TRIM27: variants seen among roughly 807,000 people sequenced by gnomAD.
TRIM27 encodes the protein zinc finger protein RFP.
TRIM27 carries 12 observed loss-of-function variants against 57.6 expected under a neutral mutation model. That is an observed-to-expected ratio of 0.21 (90% confidence interval 0.13 to 0.34). The LOEUF (loss-of-function observed/expected upper bound fraction) is 0.34, where lower values mean the gene tolerates loss of function less well. TRIM27 is among the 10% of genes least tolerant of loss of function. The probability of loss-of-function intolerance (pLI) is 1.00; values close to 1 mark genes in which losing one functional copy is unlikely to be tolerated. For synonymous variants in TRIM27, 266 were observed against 259.0 expected, an observed-to-expected ratio of 1.03 and a Z score of -0.26; for missense variants, 403 against 656.8, an observed-to-expected ratio of 0.61 and a Z score of 4.22.
chr6:28,916,984 T>C (rs567419542), intron 3 of TRIM27, among the ~76,000 whole-genome samples: 1 of 150,864 alleles, frequency 6.6e-6, no homozygotes, highest in African/African-American at 2.4e-5. Context: ...TCTACAAAAA[T>C]TACACAAATT....
At chr6:28,911,604 C>T (rs777795684) in intron 4 of TRIM27, 92 bp downstream of exon 4, 36 of 1,318,790 alleles carry the variant, frequency 2.7e-5, no homozygotes, top group Non-Finnish European at 3.6e-5. Context: ...AGATGTCCAT[C>T]CTCAGGCTCA....
chr6:28,918,601 G>A (rs1344591061), intron 3 of TRIM27, among the ~76,000 whole-genome samples: 1 of 151,902 alleles, frequency 6.6e-6, no homozygotes, highest in Non-Finnish European at 1.5e-5. Context: ...AAACTGGCCT[G>A]ACGCTGTGGC....
At position 28,914,497 on chromosome 6, in the gene TRIM27, CTTAT is replaced by C. The variant is rs1205735300; in HGVS notation, c.748-2783_748-2780del. Among the ~76,000 whole-genome samples, 6 of 142,292 alleles carry C rather than the reference CTTAT, an allele frequency of 4.2e-5. No homozygotes were observed. The East Asian group carries it at 1.3e-3, about 30-fold the overall frequency. 93.3% of individuals were successfully genotyped at this position (142,292 alleles called of 152,430 possible). A position where few individuals can be genotyped will look rare whatever the true frequency, so the allele number is the denominator to read the frequency against. On this transcript the variant is annotated intron_variant, in intron 3 of 7. Coordinates refer to ENST00000377199, the MANE Select transcript of TRIM27 (RefSeq NM_006510.5). ...TTTTATATGTGCATATTATTATGTG[CTTAT>C]TTTTCTATCTGAAGTTGACTGTCAA... is the stretch of plus-strand genomic sequence containing the variant.
At position 28,923,264 on chromosome 6, in the gene TRIM27, C is replaced by T. The variant is rs148726473; in HGVS notation, c.369G>A (p.Glu123=). 39 of 1,608,180 alleles carry T rather than the reference C, an allele frequency of 2.4e-5. No homozygotes were observed. Among genetic ancestry groups the T allele is most frequent in the Non-Finnish European group, 3.2e-5 (38 of 1,177,682 alleles). ...GCGGCAGCACGCTGTGGCCGCGGTG[C>T]TCGCGGGAGCGGTCGCACACCACGC... ...PICVVCDRSR[E]HRGHSVLPLE... Residue 123 remains glutamate, a synonymous_variant, in exon 1 of 8, where the codon GAG becomes GAA. Transcript: ENST00000377199.
In TRIM27 at chr6:28,923,727, G is replaced by A. The variant is rs1774255592; in HGVS notation, c.-95C>T. On this transcript the variant is annotated 5_prime_UTR_variant, in exon 1 of 8. Transcript: ENST00000377199. ...GCGCTCTCTCCGGTTCGCTGTTCCTGAGAGGCACCGGGCGGACGGAGGGCG... is the reference window on the plus strand; with the variant it reads ...GCGCTCTCTCCGGTTCGCTGTTCCTAAGAGGCACCGGGCGGACGGAGGGCG... 1 of 1,341,622 alleles carries A rather than the reference G, an allele frequency of 7.5e-7. No individual in the cohort carries two copies. Among genetic ancestry groups the A allele is most frequent in the Non-Finnish European group, 9.9e-7 (1 of 1,011,628 alleles). 83.1% of individuals were successfully genotyped at this position (1,341,622 alleles called of 1,614,324 possible).
intron 3 of TRIM27, 136 bp from the exon 4 acceptor site, chr6:28,911,854 T>C (rs1256426281): frequency 1.2e-6 from 1 of 811,152 alleles, no homozygotes; most frequent in Non-Finnish European, 2.0e-6. Flanking sequence ...CACTGGAACA[T>C]AACTCAGTGT....
chr6:28,922,982 G>T (rs1208079968), intron 1 of TRIM27, among the ~76,000 whole-genome samples: 1 of 152,150 alleles, frequency 6.6e-6, no homozygotes, highest in African/African-American at 2.4e-5. Flanking sequence ...GGTAACATGG[G>T]GGTAAACAGA....
At position 28,923,818 on chromosome 6, in the gene TRIM27, C is replaced by A; in HGVS notation, c.-186G>T. 3.2e-6 allele frequency: 2 copies of A among 632,392 alleles called. No individual in the cohort carries two copies. Among genetic ancestry groups the A allele is most frequent in the Non-Finnish European group, 5.2e-6 (2 of 384,292 alleles). 39.2% of individuals were successfully genotyped at this position (632,392 alleles called of 1,614,324 possible). ...AAGGCTTGGAGTGGCCGGGCCGATG[C>A]CTGCGCCTGTGCCCCCTAAGCGAGA... On this transcript the variant is annotated 5_prime_UTR_variant, in exon 1 of 8. Transcript: ENST00000377199.
At chr6:28,905,115 G>C (rs1772670489) in intron 7 of TRIM27, 1 of 158,190 alleles carries the variant, frequency 6.3e-6, no homozygotes, top group Non-Finnish European at 1.4e-5. Context: ...TTACTATGTT[G>C]CTCAGGATGG....
chr6:28,920,257 G>A lies in TRIM27; in HGVS notation c.517-15C>T. On this transcript the variant is annotated splice_polypyrimidine_tract_variant and intron_variant, in intron 2 of 7. Coordinates refer to ENST00000377199, the MANE Select transcript of TRIM27 (RefSeq NM_006510.5). The stretch of plus-strand genomic sequence containing the variant: ...TGGGTTAGGCTCTATGCAGACGACA[G>A]GGAAAGGCAGTAAAGAGAAAAACGG... 1.3e-6 allele frequency: 2 copies of A among 1,568,742 alleles called. No homozygotes were observed. The highest frequency in any genetic ancestry group is 2.3e-5 in the East Asian group (1 of 44,356).
In TRIM27 at chr6:28,903,150, G is replaced by A. The variant is rs1373517120; in HGVS notation, c.*920C>T. 8.6e-6 allele frequency: 2 copies of A among 232,158 alleles called. No individual in the cohort carries two copies. The highest frequency in any genetic ancestry group is 1.7e-5 in the Non-Finnish European group (2 of 117,482). The allele number at this position is 232,158 out of a possible 1,614,324, so 14.4% of individuals were successfully genotyped here. A position where few individuals can be genotyped will look rare whatever the true frequency, so the allele number is the denominator to read the frequency against. ...TCATGATCCAATGGCCATGGGGACG[G>A]AGCTGCCCCTTGATAGGATGCACTT... On this transcript the variant is annotated 3_prime_UTR_variant, in exon 8 of 8. Coordinates refer to ENST00000377199, the MANE Select transcript of TRIM27 (RefSeq NM_006510.5).
Position 28,907,732 on chromosome 6 carries a change from A to G in TRIM27, c.920-470T>C, listed in dbSNP as rs968353280. The G allele has an allele frequency of 1.7e-5, 7 of 401,992 alleles. No individual in the cohort carries two copies. In the Admixed American group the frequency reaches 2.5e-4, roughly 14 times the overall value. The allele number at this position is 401,992 out of a possible 1,614,324, so 24.9% of individuals were successfully genotyped here. On this transcript the variant is annotated intron_variant, in intron 6 of 7. Coordinates refer to ENST00000377199, the MANE Select transcript of TRIM27 (RefSeq NM_006510.5). ...ATAGTTGAAACAGAATTTCTCACACATTATCCCACTAAGACTTTTAAGTGG... is the reference window on the plus strand; with the variant it reads ...ATAGTTGAAACAGAATTTCTCACACGTTATCCCACTAAGACTTTTAAGTGG...
intron 1 of TRIM27, among the ~76,000 whole-genome samples, chr6:28,922,868 G>A (rs1774152271): frequency 6.6e-6 from 1 of 152,204 alleles, no homozygotes. Context: ...TCTGAGAGCC[G>A]ATGGGAGTAA....
chr6:28,909,156 G>A lies in TRIM27; in HGVS notation c.771-68C>T, dbSNP rs138419204. On this transcript the variant is annotated intron_variant, in intron 4 of 7. Coordinates refer to ENST00000377199, the MANE Select transcript of TRIM27 (RefSeq NM_006510.5). ...TGGAGTTTCGCTTGTTGCCCAGGCT[G>A]GAGTGCAATGGCGCCATCTCGGCCC... is the stretch of plus-strand genomic sequence containing the variant. 7.7e-5 allele frequency: 86 copies of A among 1,119,542 alleles called. No homozygotes were observed. In the African/African-American group the frequency reaches 1.0e-3, roughly 13 times the overall value. The allele number at this position is 1,119,542 out of a possible 1,614,324, so 69.4% of individuals were successfully genotyped here.
chr6:28,911,449 T>C, intron 4 of TRIM27: 1 of 470,000 alleles, frequency 2.1e-6, no homozygotes, highest in East Asian at 3.3e-5. Flanking sequence ...CCACACCCTC[T>C]CCATGGAAGT....
intron 1 of TRIM27, among the ~76,000 whole-genome samples, chr6:28,922,212 G>A (rs1774097549): frequency 6.6e-6 from 1 of 152,166 alleles, no homozygotes; most frequent in South Asian, 2.1e-4. Context: ...CAACCACTCA[G>A]CTACCTCGTC....
intron 3 of TRIM27, among the ~76,000 whole-genome samples, chr6:28,918,366 C>T (rs1386326078): frequency 6.6e-6 from 1 of 152,018 alleles, no homozygotes; most frequent in Admixed American, 6.6e-5. Flanking sequence ...CACTACTCAA[C>T]TCCCCCTAAT....
chr6:28,921,493 TG>T (rs1447592148), intron 2 of TRIM27, among the ~76,000 whole-genome samples: 1 of 152,062 alleles, frequency 6.6e-6, no homozygotes, highest in Non-Finnish European at 1.5e-5. Flanking sequence ...ATTAAGGCAT[TG>T]TTAAGAAAGG....
In TRIM27 at chr6:28,904,140, G is replaced by C; in HGVS notation, c.1472C>G (p.Pro491Arg). 6.2e-7 allele frequency: 1 copy of C among 1,613,052 alleles called. No homozygotes were observed. The highest frequency in any genetic ancestry group is 8.5e-7 in the Non-Finnish European group (1 of 1,180,030). Residue 491 changes from proline (P) to arginine (R), a missense_variant, in exon 8 of 8, where the codon CCC (proline) becomes CGC (arginine). Coordinates refer to ENST00000377199, the MANE Select transcript of TRIM27 (RefSeq NM_006510.5). This position sits in a 1 kb window ranked among gnomAD's most constrained non-coding sequence, Gnocchi z 6.1. ...GKSAAPLIIC[P>R]MSGIDGFSGH... Reference sequence around the variant, plus strand: ...AGAAAACCCATCTATCCCACTCATGGGGCAGATGATCAGAGGAGCTGCACT... The same window carrying C: ...AGAAAACCCATCTATCCCACTCATGCGGCAGATGATCAGAGGAGCTGCACT...
Sources: allele counts gnomAD v4.1 joint callset (sites outside exome capture counted in the v4.1 genomes callset), GRCh38; gene constraint gnomAD v4.1.1; non-coding constraint Gnocchi (gnomAD v3.1); transcripts MANE v1.5; gene names NCBI Gene and HGNC (gene_info 2026-07-23, HGNC 2026-07-21).